Variants in NUP93 observed in about 807,000 individuals in gnomAD.
NUP93 encodes the protein nucleoporin 93, also known as nuclear pore complex protein Nup93.
In NUP93, 55 loss-of-function variants were observed where a neutral mutation model predicts 107.8. That is an observed-to-expected ratio of 0.51 (90% CI 0.41 to 0.64). The LOEUF is 0.64. NUP93 is among the 30% of genes least tolerant of loss of function. The pLI is 0.00. For synonymous variants in NUP93, 390 were observed against 397.5 expected (o/e 0.98, Z 0.22); for missense variants, 937 against 1,044.7 (o/e 0.90, Z 1.42).
At chr16:56,828,656 A>G (rs1279426573) in intron 8 of NUP93, among the ~76,000 whole-genome samples, 2 of 152,358 alleles carry the variant, frequency 1.3e-5, no homozygotes, top group South Asian at 2.1e-4. Flanking sequence ...AAGTTTAACA[A>G]GAACCAACCA....
intron 1 of NUP93, among the ~76,000 whole-genome samples, chr16:56,732,123 G>A (rs1367448812): frequency 6.6e-6 from 1 of 152,160 alleles, no homozygotes; most frequent in Non-Finnish European, 1.5e-5. Flanking sequence ...CTTCACTAGG[G>A]AGGCACCTAG....
rs1336440280 is a variant in NUP93, at chr16:56,847,987, T to C, written c.*3378T>C. 1 of 152,210 alleles carries C rather than the reference T, an allele frequency of 6.6e-6. No individual in the cohort carries two copies. The highest frequency in any genetic ancestry group is 2.4e-5 in the African/African-American group (1 of 41,456). 9.4% of individuals were successfully genotyped at this position (152,210 alleles called of 1,614,324 possible). ...AAAAAAAACCTGAGGGTGATTTTTC[T>C]CTCTTTGAATTTTTACCCTTGCCTG... On this transcript the variant is annotated 3_prime_UTR_variant, in exon 22 of 22. Coordinates refer to ENST00000308159, the MANE Select transcript of NUP93 (RefSeq NM_014669.5).
chr16:56,749,560 AGTC>A lies in NUP93; in HGVS notation c.179+1135_179+1137del, dbSNP rs535545171. On this transcript the variant is annotated intron_variant, in intron 2 of 21. Transcript: ENST00000308159. ...ATGGAAAATTGTCGGTCATCTCCTC[AGTC>A]TTCATCCCTTGAACTTGAGAAAGAA... Among the ~76,000 whole-genome samples the A allele has an allele frequency of 8.5e-5, 13 of 152,326 alleles. No individual in the cohort carries two copies. The East Asian group carries it at 2.5e-3, about 29-fold the overall frequency.
chr16:56,732,806 T>C (rs1961555568), intron 1 of NUP93, among the ~76,000 whole-genome samples: 1 of 152,358 alleles, frequency 6.6e-6, no homozygotes, highest in Non-Finnish European at 1.5e-5. Context: ...CAGGTCACTT[T>C]AATTCAACAA....
At chr16:56,735,361 G>T (rs1961594779) in intron 1 of NUP93, among the ~76,000 whole-genome samples, 1 of 152,206 alleles carries the variant, frequency 6.6e-6, no homozygotes, top group Admixed American at 6.5e-5. Flanking sequence ...GGTTGGGTAG[G>T]TGTTTCTTTT....
At chr16:56,785,844 CTTCT>C (rs1962615480) in intron 3 of NUP93, among the ~76,000 whole-genome samples, 1 of 152,106 alleles carries the variant, frequency 6.6e-6, no homozygotes. Context: ...TCAAATGTTC[CTTCT>C]AAGAAATTGA....
chr16:56,763,109 T>C (rs1201497516), intron 3 of NUP93, among the ~76,000 whole-genome samples: 1 of 152,178 alleles, frequency 6.6e-6, no homozygotes, highest in Non-Finnish European at 1.5e-5. Flanking sequence ...GTGCCAGAAA[T>C]TTTAAAACTG....
In NUP93 at chr16:56,815,247, C is replaced by G. The variant is rs142600574; in HGVS notation, c.490-3417C>G. 7.8e-3 allele frequency among the ~76,000 whole-genome samples: 1,191 copies of G among 152,264 alleles called. 12 individuals carry two copies. Among genetic ancestry groups the G allele is most frequent in the African/African-American group, 0.027 (1,125 of 41,542 alleles). ...TCCTTTTCATTTCCTTGTTTATTCT[C>G]CTTGACTAGGTTTCTGGAATTAACA... is the stretch of plus-strand genomic sequence containing the variant. On this transcript the variant is annotated intron_variant, in intron 5 of 21. Coordinates refer to ENST00000308159, the MANE Select transcript of NUP93 (RefSeq NM_014669.5).
intron 3 of NUP93, among the ~76,000 whole-genome samples, chr16:56,773,484 T>A (rs1196685915): frequency 6.6e-6 from 1 of 152,240 alleles, no homozygotes; most frequent in Non-Finnish European, 1.5e-5. Flanking sequence ...ACTTTCTAGC[T>A]CAGGTTGGGT....
At chr16:56,777,514 T>TA (rs1368562783) in intron 3 of NUP93, among the ~76,000 whole-genome samples, 193 of 152,334 alleles carry the variant, frequency 1.3e-3, no homozygotes, top group African/African-American at 4.2e-3. Flanking sequence ...CTCTTTTTTT[T>TA]ATTGACTGCC....
At chr16:56,817,349 C>T (rs963595058) in intron 5 of NUP93, among the ~76,000 whole-genome samples, 1 of 152,128 alleles carries the variant, frequency 6.6e-6, no homozygotes, top group Non-Finnish European at 1.5e-5. Flanking sequence ...CCCCTCTCTC[C>T]CCCTCTCCTG....
Position 56,837,623 on chromosome 16 carries a change from C to T in NUP93, c.1915C>T (p.Leu639=). The change falls in exon 18 of 22, where the codon CTG becomes TTG. Residue 639 remains leucine, a synonymous_variant. Transcript: ENST00000308159. ...YDLAKNADKV[L]ELMNKLLSPV... is the part of the protein sequence containing the mutation. Reference sequence around the variant, plus strand: ...ACTTGAGCAGAATGCTGACAAGGTACTGGAGCTGATGAACAAACTGCTGAG... The same window carrying T: ...ACTTGAGCAGAATGCTGACAAGGTATTGGAGCTGATGAACAAACTGCTGAG... 2 of 1,613,868 alleles carry T rather than the reference C, an allele frequency of 1.2e-6. No homozygotes were observed. The highest frequency in any genetic ancestry group is 1.7e-6 in the Non-Finnish European group (2 of 1,179,748).
At chr16:56,749,661 G>A (rs1961884155) in intron 2 of NUP93, among the ~76,000 whole-genome samples, 2 of 152,204 alleles carry the variant, frequency 1.3e-5, no homozygotes, top group South Asian at 4.1e-4. Flanking sequence ...TATTATGTAG[G>A]AGTGGGCTAC....
intron 6 of NUP93, among the ~76,000 whole-genome samples, chr16:56,820,363 G>T (rs896703744): frequency 1.1e-4 from 17 of 152,352 alleles, no homozygotes; most frequent in African/African-American, 3.4e-4. Context: ...AGGCTGGAGT[G>T]CAGTGGTGCG....
chr16:56,763,311 A>G (rs1172496577), intron 3 of NUP93, among the ~76,000 whole-genome samples: 1 of 152,226 alleles, frequency 6.6e-6, no homozygotes, highest in African/African-American at 2.4e-5. Context: ...AGAATTTAAT[A>G]GTAGTTACTC....
intron 4 of NUP93, among the ~76,000 whole-genome samples, chr16:56,800,630 C>T (rs1279961578): frequency 6.6e-6 from 1 of 152,212 alleles, no homozygotes; most frequent in Non-Finnish European, 1.5e-5. Flanking sequence ...GAATCATTTT[C>T]ACACAAAAAG....
At chr16:56,749,598 G>A (rs556705375) in intron 2 of NUP93, among the ~76,000 whole-genome samples, 1 of 152,282 alleles carries the variant, frequency 6.6e-6, no homozygotes, top group South Asian at 2.1e-4. Flanking sequence ...ACTAAGTGCT[G>A]GTGTTAATGT....
Position 56,830,698 on chromosome 16 carries a change from AGGT to A in NUP93, c.1085+16_1085+18del, listed in dbSNP as rs1963765820. On this transcript the variant is annotated intron_variant, in intron 10 of 21. Transcript: ENST00000308159. The stretch of plus-strand genomic sequence containing the variant: ...GCAAGGACAGAAGGTATGGTGAATG[AGGT>A]GGCACGCCCAGGGGCAGCCATGCAG... 2 of 1,550,918 alleles carry A rather than the reference AGGT, an allele frequency of 1.3e-6. No homozygotes were observed. The highest frequency in any genetic ancestry group is 1.8e-5 in the Admixed American group (1 of 56,246).
At chr16:56,740,419 CAG>C (rs1189935549) in intron 1 of NUP93, among the ~76,000 whole-genome samples, 62 of 151,748 alleles carry the variant, frequency 4.1e-4, no homozygotes, top group Middle Eastern at 3.4e-3. Flanking sequence ...CCCCACATCT[CAG>C]AGGATGGGCG....
Sources: allele counts gnomAD v4.1 joint callset (sites outside exome capture counted in the v4.1 genomes callset), GRCh38; gene constraint gnomAD v4.1.1; transcripts MANE v1.5; gene names NCBI Gene and HGNC (gene_info 2026-07-23, HGNC 2026-07-21).